PTPRO: variants seen among roughly 807,000 people sequenced by gnomAD.
PTPRO encodes the protein protein tyrosine phosphatase receptor type O, also known as receptor-type tyrosine-protein phosphatase O.
Under a neutral mutation model 145.2 loss-of-function variants are expected in PTPRO, and 62 were observed. That is an observed-to-expected ratio of 0.43 (90% confidence interval 0.35 to 0.53). The LOEUF is 0.53. Ranked by LOEUF, PTPRO falls within the 20% of genes least tolerant of loss-of-function variation. The probability of loss-of-function intolerance (pLI) is 0.01; values close to 1 mark genes in which losing one functional copy is unlikely to be tolerated. For synonymous variants in PTPRO, 565 were observed against 514.7 expected (o/e 1.10, Z -1.32); for missense variants, 1,345 against 1,482.7 (o/e 0.91, Z 1.53).
intron 1 of PTPRO, among the ~76,000 whole-genome samples, chr12:15,448,362 C>CAAAAAAA (rs1555164031): frequency 1.6e-4 from 2 of 12,744 alleles, no homozygotes; most frequent in African/African-American, 2.3e-4. Context: ...AAAAAAAAAG[C>CAAAAAAA]ACCGATTGAG....
intron 18 of PTPRO, 69 bp from the exon 19 acceptor site, chr12:15,569,348 T>C: frequency 1.5e-6 from 2 of 1,301,540 alleles, no homozygotes; most frequent in Non-Finnish European, 2.2e-6. Context: ...AAGTATGATA[T>C]TAAACAATAT....
intron 1 of PTPRO, among the ~76,000 whole-genome samples, chr12:15,480,017 A>G (rs56844355): frequency 0.012 from 1,836 of 152,284 alleles, 38 homozygotes; most frequent in African/African-American, 0.042. Flanking sequence ...TCTTTAGGAC[A>G]TTGGCTAGGA....
At chr12:15,583,192 A>G (rs1434773560) in intron 23 of PTPRO, among the ~76,000 whole-genome samples, 1 of 152,230 alleles carries the variant, frequency 6.6e-6, no homozygotes, top group Non-Finnish European at 1.5e-5. Context: ...TAATGGTTGA[A>G]AAAAGACAAC....
chr12:15,502,029 T>G lies in PTPRO; in HGVS notation c.1071T>G (p.Ala357=), dbSNP rs770289843. The G allele has an allele frequency of 2.5e-6, 4 of 1,613,702 alleles. No homozygotes were observed. The South Asian group carries it at 4.4e-5, about 18-fold the overall frequency. The change falls in exon 5 of 27, where the codon GCT becomes GCG. Residue 357 remains alanine (A), a synonymous_variant. Transcript: ENST00000281171. The part of the protein sequence containing the change: ...LTWLPPKPPT[A]FDGFHIHIER... ...GGTTACCACCCAAACCACCCACTGC[T>G]TTTGATGGGTTCCATATCCATATTG...
At chr12:15,561,531 G>A (rs1454077430) in intron 17 of PTPRO, among the ~76,000 whole-genome samples, 1 of 152,096 alleles carries the variant, frequency 6.6e-6, no homozygotes, top group East Asian at 1.9e-4. Context: ...AGAGGAATGT[G>A]CTAGATGCTG....
At chr12:15,523,211 G>T (rs554855668) in intron 10 of PTPRO, among the ~76,000 whole-genome samples, 3 of 152,310 alleles carry the variant, frequency 2.0e-5, no homozygotes, top group East Asian at 3.9e-4. Flanking sequence ...AATGTTTGTT[G>T]TAAGTATTAG....
intron 1 of PTPRO, among the ~76,000 whole-genome samples, chr12:15,455,587 G>T (rs61908036): frequency 6.6e-6 from 1 of 152,056 alleles, no homozygotes; most frequent in African/African-American, 2.4e-5. Context: ...TTATTCCTAA[G>T]TATTTTATTC....
chr12:15,560,915 C>T (rs1943756795), intron 17 of PTPRO, among the ~76,000 whole-genome samples: 1 of 152,072 alleles, frequency 6.6e-6, no homozygotes. Flanking sequence ...TCTATTCTTT[C>T]CTCTGTAAAG....
intron 1 of PTPRO, among the ~76,000 whole-genome samples, chr12:15,379,006 A>G (rs1938772676): frequency 6.6e-6 from 1 of 152,184 alleles, no homozygotes; most frequent in Non-Finnish European, 1.5e-5. Context: ...GGGGACAGCT[A>G]TGATAAAGAA....
chr12:15,368,519 T>C (rs1031077601), intron 1 of PTPRO, among the ~76,000 whole-genome samples: 2 of 152,168 alleles, frequency 1.3e-5, no homozygotes, highest in African/African-American at 4.8e-5. Flanking sequence ...TTTTTTCCTG[T>C]TCCCAGAATG....
At chr12:15,577,904 C>G (rs1456471882) in intron 19 of PTPRO, among the ~76,000 whole-genome samples, 1 of 152,180 alleles carries the variant, frequency 6.6e-6, no homozygotes, top group African/African-American at 2.4e-5. Flanking sequence ...AGACACATGG[C>G]ATAGCAACTT....
chr12:15,580,616 A>G, intron 21 of PTPRO, 81 bp from the exon 22 acceptor site: 1 of 1,574,932 alleles, frequency 6.3e-7, no homozygotes, highest in East Asian at 2.2e-5. Flanking sequence ...GTAAGTTTTC[A>G]GTTTTTTTCC....
intron 1 of PTPRO, among the ~76,000 whole-genome samples, chr12:15,359,778 C>G (rs949963746): frequency 2.6e-5 from 4 of 152,058 alleles, no homozygotes; most frequent in African/African-American, 7.2e-5. Flanking sequence ...TGTTGACTTA[C>G]TAAAGAAAAA....
intron 2 of PTPRO, among the ~76,000 whole-genome samples, chr12:15,486,902 G>A (rs1941899527): frequency 6.6e-6 from 1 of 151,966 alleles, no homozygotes; most frequent in Non-Finnish European, 1.5e-5. Flanking sequence ...AGGCTGTCAG[G>A]TAGAACAGGG....
intron 4 of PTPRO, 122 bp downstream of exon 4, chr12:15,499,716 A>G (rs1942179243): frequency 8.6e-7 from 1 of 1,156,764 alleles, no homozygotes; most frequent in East Asian, 2.6e-5. Flanking sequence ...TATATGTTTA[A>G]TAACCTAAAA....
At chr12:15,551,479 A>G in intron 14 of PTPRO, 72 bp from the exon 15 acceptor site, 1 of 1,576,606 alleles carries the variant, frequency 6.3e-7, no homozygotes. Context: ...GACTAGATGA[A>G]AAGCAATGAA....
At chr12:15,423,039 G>A (rs886137090) in intron 1 of PTPRO, among the ~76,000 whole-genome samples, 1 of 152,220 alleles carries the variant, frequency 6.6e-6, no homozygotes, top group Admixed American at 6.5e-5. Context: ...TTTTTGAGGA[G>A]AAAGTGAGAA....
In PTPRO at chr12:15,503,909, G is replaced by T; in HGVS notation, c.1107G>T (p.Glu369Asp). Residue 369 changes from glutamate (E) to aspartate (D), a missense_variant and splice_region_variant, in exon 6 of 27, where the codon GAG (glutamate) becomes GAT (aspartate). Physicochemically the swap from Glu to Asp is conservative, Grantham distance 45. This residue lies in a region of PTPRO where 1,130 missense variants were observed against 1,214.7 expected (regional missense o/e 0.93). Transcript: ENST00000281171. ...TTCTCTTTTTTATATATGATTTAGA[G>T]AACTTTACTGAATATTTGATGGTGG... Reference protein sequence around the residue: ...DGFHIHIEREENFTEYLMVDE... With the variant: ...DGFHIHIEREDNFTEYLMVDE... The T allele has an allele frequency of 1.3e-6, 2 of 1,568,076 alleles. No homozygotes were observed. Among genetic ancestry groups the T allele is most frequent in the South Asian group, 1.1e-5 (1 of 90,030 alleles).
intron 1 of PTPRO, among the ~76,000 whole-genome samples, chr12:15,353,167 C>T (rs1237413756): frequency 6.6e-6 from 1 of 152,074 alleles, no homozygotes; most frequent in African/African-American, 2.4e-5. Context: ...CATAGAAGTC[C>T]CCCTTACCAC....
Sources: allele counts gnomAD v4.1 joint callset (sites outside exome capture counted in the v4.1 genomes callset), GRCh38; gene constraint gnomAD v4.1.1; regional missense constraint gnomAD v4.1.1; transcripts MANE v1.5; gene names NCBI Gene and HGNC (gene_info 2026-07-23, HGNC 2026-07-21).